Variants in CALD1 observed in about 807,000 individuals in gnomAD.
CALD1 encodes the protein caldesmon.
CALD1 carries 33 observed loss-of-function variants against 99.9 expected under a neutral mutation model. That is an observed-to-expected ratio of 0.33 (90% CI 0.25 to 0.44). The LOEUF (loss-of-function observed/expected upper bound fraction) is 0.44, where lower values mean the gene tolerates loss of function less well. CALD1 is among the 20% of genes least tolerant of loss of function. The pLI is 1.00. For synonymous variants in CALD1, 310 were observed against 325.0 expected (o/e 0.95, Z 0.50); for missense variants, 861 against 962.1 (o/e 0.89, Z 1.39).
Position 134,938,732 on chromosome 7 carries a change from A to G in CALD1, c.1387-2360A>G, listed in dbSNP as rs150291399. On this transcript the variant is annotated intron_variant, in intron 6 of 14. Coordinates refer to ENST00000361675, the MANE Select transcript of CALD1 (RefSeq NM_033138.4). ...TTTCAGTTGAACTCAAATCGTCATTATTACATTGACAAGGTTTCTAAGGTT... is the reference window on the plus strand; with the variant it reads ...TTTCAGTTGAACTCAAATCGTCATTGTTACATTGACAAGGTTTCTAAGGTT... 4.6e-3 allele frequency among the ~76,000 whole-genome samples: 703 copies of G among 152,344 alleles called. 10 individuals carry two copies. Among genetic ancestry groups the G allele is most frequent in the African/African-American group, 0.016 (662 of 41,582 alleles).
At chr7:134,750,903 C>G (rs1796680525) in intron 1 of CALD1, among the ~76,000 whole-genome samples, 1 of 152,158 alleles carries the variant, frequency 6.6e-6, no homozygotes, top group South Asian at 2.1e-4. Flanking sequence ...AAATGAATAT[C>G]TTATTGACAT....
At chr7:134,946,754 C>T (rs965042442) in intron 7 of CALD1, among the ~76,000 whole-genome samples, 17 of 151,572 alleles carry the variant, frequency 1.1e-4, no homozygotes, top group Admixed American at 3.3e-4. Flanking sequence ...AATCTCGGCT[C>T]ACTGCAACCC....
chr7:134,850,949 C>T (rs1471482023), intron 2 of CALD1, among the ~76,000 whole-genome samples: 1 of 152,132 alleles, frequency 6.6e-6, no homozygotes, highest in Non-Finnish European at 1.5e-5. Flanking sequence ...TCTCTCTAGC[C>T]TGCTGCCATG....
chr7:134,850,803 C>T (rs1366089613), intron 2 of CALD1, among the ~76,000 whole-genome samples: 1 of 152,166 alleles, frequency 6.6e-6, no homozygotes, highest in Non-Finnish European at 1.5e-5. Flanking sequence ...TGTAATATTC[C>T]TCATGTGTCA....
the CALD1 span, among the ~76,000 whole-genome samples, chr7:134,712,044 AGAGAGG>A: frequency 4.6e-5 from 2 of 43,684 alleles, no homozygotes; most frequent in African/African-American, 5.6e-4. Flanking sequence ...GGAAGGAGGG[AGAGAGG>A]GAGGGAGGGA....
intron 1 of CALD1, among the ~76,000 whole-genome samples, chr7:134,768,752 C>T (rs1013432935): frequency 3.2e-4 from 49 of 152,218 alleles, no homozygotes; most frequent in Non-Finnish European, 5.6e-4. Flanking sequence ...GCAGTGTTAA[C>T]AGATGTAATT....
At chr7:134,949,621 C>A (rs192572331) in intron 8 of CALD1, among the ~76,000 whole-genome samples, 1 of 152,276 alleles carries the variant, frequency 6.6e-6, no homozygotes, top group East Asian at 1.9e-4. Context: ...TATAGTACCA[C>A]AGATTTAGAT....
intron 1 of CALD1, among the ~76,000 whole-genome samples, chr7:134,755,665 T>C (rs1796721305): frequency 6.6e-6 from 1 of 152,226 alleles, no homozygotes; most frequent in Non-Finnish European, 1.5e-5. Flanking sequence ...GGCAGTCAGC[T>C]TTTGTTTGTG....
At chr7:134,871,513 T>G (rs1213686682) in intron 3 of CALD1, among the ~76,000 whole-genome samples, 1 of 152,214 alleles carries the variant, frequency 6.6e-6, no homozygotes, top group Non-Finnish European at 1.5e-5. Flanking sequence ...AAGTGTGTGC[T>G]TAGTGCTTTA....
At chr7:134,854,955 G>T (rs2006241) in intron 2 of CALD1, among the ~76,000 whole-genome samples, 26,548 of 152,070 alleles carry the variant, frequency 0.17, 3,369 homozygotes, top group African/African-American at 0.36. Flanking sequence ...CACAAGTTAT[G>T]GCTGTTTAAA....
chr7:134,760,258 A>G (rs1217249869), intron 1 of CALD1, among the ~76,000 whole-genome samples: 1 of 152,266 alleles, frequency 6.6e-6, no homozygotes, highest in African/African-American at 2.4e-5. Context: ...GGGAGGTAGC[A>G]TAACCCCGCT....
chr7:134,829,074 T>C (rs888774970), intron 1 of CALD1, among the ~76,000 whole-genome samples: 4 of 152,234 alleles, frequency 2.6e-5, no homozygotes, highest in African/African-American at 7.2e-5. Flanking sequence ...TGTATATTTA[T>C]TGAGTGACTA....
At chr7:134,782,043 T>G (rs1171067100) in intron 1 of CALD1, among the ~76,000 whole-genome samples, 1 of 152,230 alleles carries the variant, frequency 6.6e-6, no homozygotes, top group East Asian at 1.9e-4. Context: ...AGCCCAGGTA[T>G]TCTCTGTTCT....
chr7:134,730,918 A>G, the CALD1 span, among the ~76,000 whole-genome samples: 112,290 of 151,896 alleles, frequency 0.74, 43,207 homozygotes, highest in East Asian at 0.99. Flanking sequence ...CACCCCACCT[A>G]TCCTACCTCA....
At chr7:134,957,960 T>C in intron 9 of CALD1, 109 bp from the exon 10 acceptor site, 1 of 785,708 alleles carries the variant, frequency 1.3e-6, no homozygotes, top group Admixed American at 1.9e-5. Flanking sequence ...TACCCTTATA[T>C]GCTCTTCGGT....
chr7:134,905,515 C>A (rs1292050471), intron 3 of CALD1, among the ~76,000 whole-genome samples: 1 of 152,010 alleles, frequency 6.6e-6, no homozygotes, highest in Non-Finnish European at 1.5e-5. Context: ...TGGTGGCTCC[C>A]CTGCTCTCTC....
intron 2 of CALD1, among the ~76,000 whole-genome samples, chr7:134,852,256 C>T (rs1208155274): frequency 6.6e-6 from 1 of 151,680 alleles, no homozygotes; most frequent in Non-Finnish European, 1.5e-5. Flanking sequence ...GAGGGCACTT[C>T]AGGTTATGGG....
intron 3 of CALD1, among the ~76,000 whole-genome samples, chr7:134,874,556 T>G (rs1183722187): frequency 6.6e-6 from 1 of 152,178 alleles, no homozygotes; most frequent in Non-Finnish European, 1.5e-5. Context: ...CGGGCTTGGT[T>G]CCCCAACAAA....
intron 3 of CALD1, among the ~76,000 whole-genome samples, chr7:134,884,949 A>AT (rs936523352): frequency 4.0e-5 from 6 of 151,886 alleles, no homozygotes; most frequent in Non-Finnish European, 8.8e-5. Flanking sequence ...TTATTTATTT[A>AT]TTTTTTTGAG....
Sources: allele counts gnomAD v4.1 joint callset (sites outside exome capture counted in the v4.1 genomes callset), GRCh38; gene constraint gnomAD v4.1.1; transcripts MANE v1.5; gene names NCBI Gene and HGNC (gene_info 2026-07-23, HGNC 2026-07-21).